The following SLC24A2 variants were observed in gnomAD, a reference collection of about 807,000 sequenced individuals.
SLC24A2 encodes the protein solute carrier family 24 member 2.
SLC24A2 carries 36 observed loss-of-function variants against 62.0 expected under a neutral mutation model. That is an observed-to-expected ratio of 0.58 (90% CI 0.44 to 0.77). The LOEUF is 0.77. SLC24A2 is among the 30% of genes least tolerant of loss of function. The pLI is 0.00. For synonymous variants in SLC24A2, 358 were observed against 294.0 expected (o/e 1.22, Z -2.23); for missense variants, 846 against 817.9 (o/e 1.03, Z -0.42).
chr9:19,882,047 C>T, the SLC24A2 span, among the ~76,000 whole-genome samples: 25,671 of 152,086 alleles, frequency 0.17, 2,226 homozygotes, highest in Middle Eastern at 0.29. Flanking sequence ...AATTTTTAAT[C>T]GTTTCAAACA....
the SLC24A2 span, among the ~76,000 whole-genome samples, chr9:20,063,991 A>C: frequency 6.6e-6 from 1 of 152,198 alleles, no homozygotes; most frequent in African/African-American, 2.4e-5. Flanking sequence ...TCTACCTGAG[A>C]AATAAAAACA....
the SLC24A2 span, among the ~76,000 whole-genome samples, chr9:20,083,121 T>C: frequency 6.6e-6 from 1 of 152,264 alleles, no homozygotes; most frequent in Admixed American, 6.5e-5. Flanking sequence ...TCAGAGCTTC[T>C]GAAACTTTTG....
the SLC24A2 span, among the ~76,000 whole-genome samples, chr9:19,989,841 T>C: frequency 2.6e-5 from 4 of 152,202 alleles, no homozygotes; most frequent in African/African-American, 9.6e-5. Flanking sequence ...AGCTGCATAA[T>C]GGTCTCTTGG....
chr9:20,221,821 A>G, the SLC24A2 span, among the ~76,000 whole-genome samples: 1 of 152,078 alleles, frequency 6.6e-6, no homozygotes, highest in East Asian at 1.9e-4. Flanking sequence ...TTTCATGTCC[A>G]GTCTTTCAAC....
chr9:19,850,163 AAATT>A, the SLC24A2 span, among the ~76,000 whole-genome samples: 21 of 152,236 alleles, frequency 1.4e-4, no homozygotes, highest in African/African-American at 4.8e-4. Context: ...AATTAAAAAT[AAATT>A]AAGCAGTCAT....
Position 19,701,227 on chromosome 9 carries a change from A to G in SLC24A2, c.931-78928T>C, listed in dbSNP as rs1820347840. Reference sequence around the variant, plus strand: ...TGATCTGCATGTACCATGACTGTGAAGACAGATTAAAAAGGAAGAGGCAGA... The same window carrying G: ...TGATCTGCATGTACCATGACTGTGAGGACAGATTAAAAAGGAAGAGGCAGA... On this transcript the variant is annotated intron_variant, in intron 2 of 10. Coordinates refer to ENST00000341998, the MANE Select transcript of SLC24A2 (RefSeq NM_020344.4). Among the ~76,000 whole-genome samples the G allele has an allele frequency of 2.0e-5, 3 of 152,354 alleles. No individual in the cohort carries two copies. In the South Asian group the frequency reaches 6.2e-4, roughly 32 times the overall value.
At chr9:20,122,211 T>C in the SLC24A2 span, among the ~76,000 whole-genome samples, 1 of 152,242 alleles carries the variant, frequency 6.6e-6, no homozygotes, top group Non-Finnish European at 1.5e-5. Flanking sequence ...ATTCTAGGCA[T>C]AAGGCCCTGT....
At chr9:19,651,562 T>A (rs1818802000) in intron 2 of SLC24A2, among the ~76,000 whole-genome samples, 1 of 121,674 alleles carries the variant, frequency 8.2e-6, no homozygotes, top group South Asian at 3.2e-4. Context: ...ACGCCCACCA[T>A]CATCAATTTC....
chr9:19,999,905 G>C, the SLC24A2 span, among the ~76,000 whole-genome samples: 2 of 152,188 alleles, frequency 1.3e-5, no homozygotes, highest in Admixed American at 1.3e-4. Context: ...ATTTTGCCAA[G>C]TGACTAAAGA....
the SLC24A2 span, among the ~76,000 whole-genome samples, chr9:20,167,431 C>T: frequency 6.6e-6 from 1 of 151,920 alleles, no homozygotes; most frequent in Non-Finnish European, 1.5e-5. Flanking sequence ...AAGAAAGAAT[C>T]CTGTGGGTTC....
the SLC24A2 span, among the ~76,000 whole-genome samples, chr9:20,233,379 C>G: frequency 6.6e-6 from 1 of 152,134 alleles, no homozygotes; most frequent in African/African-American, 2.4e-5. Context: ...TTGTAGGTCA[C>G]TCAGGACTTG....
chr9:20,219,065 G>T, the SLC24A2 span, among the ~76,000 whole-genome samples: 1 of 152,344 alleles, frequency 6.6e-6, no homozygotes, highest in Admixed American at 6.5e-5. Flanking sequence ...TTGTATGTGA[G>T]GGTGAGAGAA....
At position 19,734,186 on chromosome 9, in the gene SLC24A2, AG is replaced by A. The variant is rs1183312763; in HGVS notation, c.930+51750del. Among the ~76,000 whole-genome samples the A allele has an allele frequency of 4.1e-3, 631 of 152,278 alleles. 5 individuals carry two copies. Among genetic ancestry groups the A allele is most frequent in the African/African-American group, 0.015 (605 of 41,574 alleles). On this transcript the variant is annotated intron_variant, in intron 2 of 10. Coordinates refer to ENST00000341998, the MANE Select transcript of SLC24A2 (RefSeq NM_020344.4). ...GTTTTTGTCAGGTTTGTCAAAGATCAGATAGTTGTAGATATGTGGCATTATT... is the reference window on the plus strand; with the variant it reads ...GTTTTTGTCAGGTTTGTCAAAGATCAATAGTTGTAGATATGTGGCATTATT...
chr9:20,176,612 T>C, the SLC24A2 span, among the ~76,000 whole-genome samples: 2 of 152,204 alleles, frequency 1.3e-5, no homozygotes, highest in South Asian at 4.1e-4. Flanking sequence ...GTGCCAACCA[T>C]AGACACCGAT....
the SLC24A2 span, among the ~76,000 whole-genome samples, chr9:19,917,910 C>T: frequency 6.6e-6 from 1 of 152,138 alleles, no homozygotes; most frequent in African/African-American, 2.4e-5. Context: ...AAAGGGAATA[C>T]TTATTTTGTT....
At chr9:19,560,272 A>T (rs184696669) in intron 7 of SLC24A2, among the ~76,000 whole-genome samples, 1 of 151,806 alleles carries the variant, frequency 6.6e-6, no homozygotes, top group Admixed American at 6.6e-5. Flanking sequence ...GTCCCTACTG[A>T]CTGTTATAGA....
intron 2 of SLC24A2, among the ~76,000 whole-genome samples, chr9:19,728,018 G>T: frequency 6.6e-6 from 1 of 152,154 alleles, no homozygotes. Flanking sequence ...AAATGGCTGA[G>T]GCTCACAGGC....
chr9:19,805,835 TA>T, the SLC24A2 span, among the ~76,000 whole-genome samples: 18 of 144,924 alleles, frequency 1.2e-4, no homozygotes, highest in East Asian at 1.2e-3. Context: ...GTCTGAGTTT[TA>T]AAAAAAAAAA....
At chr9:20,224,281 G>A in the SLC24A2 span, among the ~76,000 whole-genome samples, 1 of 151,118 alleles carries the variant, frequency 6.6e-6, no homozygotes, top group South Asian at 2.1e-4. Flanking sequence ...ATGTCTTCAA[G>A]CTAGATAAGG....
Sources: allele counts gnomAD v4.1 joint callset (sites outside exome capture counted in the v4.1 genomes callset), GRCh38; gene constraint gnomAD v4.1.1; transcripts MANE v1.5; gene names NCBI Gene and HGNC (gene_info 2026-07-23, HGNC 2026-07-21).